The following TLE1 variants were observed in gnomAD, a reference collection of about 807,000 sequenced individuals.
The protein encoded by TLE1 is TLE family member 1, transcriptional corepressor, also known as transducin-like enhancer protein 1.
A neutral mutation model predicts 89.8 loss-of-function variants in TLE1; 21 were observed. That is an observed-to-expected ratio of 0.23 (90% CI 0.17 to 0.34). TLE1 has a LOEUF of 0.34. Among genes scored for constraint, TLE1 ranks in the 10% least tolerant of loss-of-function variants. The pLI is 1.00. For missense variants in TLE1, 795 were observed against 1,031.2 expected (o/e 0.77, Z 3.14); for synonymous variants, 447 against 407.6 (o/e 1.10, Z -1.16).
intron 4 of TLE1, among the ~76,000 whole-genome samples, chr9:81,659,037 T>C (rs1830462337): frequency 6.6e-6 from 1 of 152,020 alleles, no homozygotes; most frequent in South Asian, 2.1e-4. Context: ...GCCTCGCGAG[T>C]AGCTGGGATG....
chr9:81,613,911 T>C (rs906196001), intron 11 of TLE1, among the ~76,000 whole-genome samples: 17 of 146,156 alleles, frequency 1.2e-4, no homozygotes, highest in African/African-American at 2.3e-4. Flanking sequence ...CTTTTCTTTT[T>C]TTTTTTTTTT....
intron 8 of TLE1, among the ~76,000 whole-genome samples, chr9:81,625,911 T>TTAAAAAAAAAAAAAAAAAAAAA (rs1491491955): frequency 1.1e-5 from 1 of 87,846 alleles, no homozygotes; most frequent in African/African-American, 5.4e-5. Flanking sequence ...CAGAAACTAC[T>TTAAAAAAAAAAAAAAAAAAAAA]AAAAAAAAAA....
chr9:81,612,063 G>T, intron 12 of TLE1, 104 bp from the exon 13 acceptor site: 1 of 949,884 alleles, frequency 1.1e-6, no homozygotes, highest in Non-Finnish European at 1.4e-6. Context: ...TGGGGAGAGA[G>T]AAAGAGGTAA....
At chr9:81,638,152 G>A (rs1007520252) in intron 6 of TLE1, among the ~76,000 whole-genome samples, 2 of 152,088 alleles carry the variant, frequency 1.3e-5, no homozygotes, top group African/African-American at 4.8e-5. Context: ...AGGCCTAATG[G>A]CAGTGACGGG....
chr9:81,680,883 A>G (rs1309776849), intron 4 of TLE1, among the ~76,000 whole-genome samples: 5 of 80,786 alleles, frequency 6.2e-5, no homozygotes, highest in African/African-American at 2.6e-4. Context: ...ACTTAGGGGG[A>G]AAAAAAATCT....
chr9:81,606,504 A>G (rs1476322246), intron 14 of TLE1, among the ~76,000 whole-genome samples: 1 of 152,170 alleles, frequency 6.6e-6, no homozygotes, highest in East Asian at 1.9e-4. Context: ...CATCATTCTC[A>G]GCAAACTATC....
intron 14 of TLE1, among the ~76,000 whole-genome samples, chr9:81,599,469 G>A (rs117996056): frequency 0.024 from 3,616 of 152,164 alleles, 71 homozygotes; most frequent in South Asian, 0.036. Context: ...TGGGGGAACC[G>A]GGCTCCTTAT....
In TLE1 at chr9:81,689,520, C is replaced by G. The variant is rs1456603728; in HGVS notation, c.-1280G>C. 7.9e-5 allele frequency among the ~76,000 whole-genome samples: 12 copies of G among 152,118 alleles called. No individual in the cohort carries two copies. Among genetic ancestry groups the G allele is most frequent in the Non-Finnish European group, 1.3e-4 (9 of 68,008 alleles). On this transcript the variant is annotated 5_prime_UTR_variant, in exon 1 of 20. Transcript: ENST00000376499. Reference sequence around the variant, plus strand: ...CAGCCGCCGCTCCCACCGCCGCCGCCGCCCGCGCCTCTCGCGCCGCTTACA... The same window carrying G: ...CAGCCGCCGCTCCCACCGCCGCCGCGGCCCGCGCCTCTCGCGCCGCTTACA...
intron 4 of TLE1, among the ~76,000 whole-genome samples, chr9:81,664,788 C>T (rs1040120858): frequency 3.3e-5 from 5 of 152,080 alleles, no homozygotes; most frequent in East Asian, 3.9e-4. Flanking sequence ...CAAACTCCAG[C>T]GTACACGAGG....
chr9:81,679,783 G>A (rs1478341514), intron 4 of TLE1, among the ~76,000 whole-genome samples: 1 of 152,138 alleles, frequency 6.6e-6, no homozygotes, highest in Non-Finnish European at 1.5e-5. Context: ...GAGAGGGTAG[G>A]AAACGAAATC....
intron 8 of TLE1, among the ~76,000 whole-genome samples, chr9:81,628,241 C>T (rs1008195879): frequency 6.6e-6 from 1 of 152,108 alleles, no homozygotes; most frequent in South Asian, 2.1e-4. Context: ...GGCCTCCTAA[C>T]CCCCTCCCTG....
At chr9:81,619,477 G>A (rs183299343) in intron 9 of TLE1, among the ~76,000 whole-genome samples, 2 of 152,276 alleles carry the variant, frequency 1.3e-5, no homozygotes, top group Admixed American at 1.3e-4. Context: ...CTAACTCCAG[G>A]TGGCACTCAA....
At chr9:81,613,543 A>G (rs1823992281) in intron 11 of TLE1, 22 bp from the exon 12 acceptor site, 1 of 1,612,694 alleles carries the variant, frequency 6.2e-7, no homozygotes, top group Non-Finnish European at 8.5e-7. Context: ...AAACAAATTA[A>G]ATGAGTATTA....
chr9:81,661,953 G>A (rs1001659343), intron 4 of TLE1, among the ~76,000 whole-genome samples: 1 of 152,170 alleles, frequency 6.6e-6, no homozygotes, highest in Admixed American at 6.5e-5. Flanking sequence ...GCGCTGTCTT[G>A]GAAGGCAACT....
intron 6 of TLE1, among the ~76,000 whole-genome samples, chr9:81,635,672 C>T (rs1827272141): frequency 6.6e-6 from 1 of 152,132 alleles, no homozygotes; most frequent in South Asian, 2.1e-4. Flanking sequence ...TATTTATTAT[C>T]CCTTTGCGTG....
intron 6 of TLE1, among the ~76,000 whole-genome samples, chr9:81,634,682 G>A (rs904196683): frequency 2.6e-5 from 4 of 152,084 alleles, no homozygotes; most frequent in Non-Finnish European, 4.4e-5. Context: ...CGCCTCCAGG[G>A]ATGAGATCCA....
At chr9:81,643,438 G>A (rs1000415660) in intron 6 of TLE1, among the ~76,000 whole-genome samples, 1 of 152,016 alleles carries the variant, frequency 6.6e-6, no homozygotes, top group African/African-American at 2.4e-5. Context: ...GTTTCTCCAT[G>A]TTAGTCAGGC....
intron 4 of TLE1, among the ~76,000 whole-genome samples, chr9:81,684,563 A>C (rs554169965): frequency 6.6e-6 from 1 of 152,344 alleles, no homozygotes; most frequent in Non-Finnish European, 1.5e-5. Context: ...AAGTCTTTGA[A>C]TATAAGGAAG....
At position 81,687,941 on chromosome 9, in the gene TLE1, G is replaced by C. The variant is rs183900203; in HGVS notation, c.24+276C>G. Among the ~76,000 whole-genome samples, 72 of 152,252 alleles carry C rather than the reference G, an allele frequency of 4.7e-4. 2 individuals carry two copies. The East Asian group carries it at 0.012, about 25-fold the overall frequency. On this transcript the variant is annotated intron_variant, in intron 1 of 19. Transcript: ENST00000376499. ...CCTGCCCCCACTCGGGGAAGGTAGA[G>C]GGGATATGGCTGCAGGAGAGAAACC...
Sources: allele counts gnomAD v4.1 joint callset (sites outside exome capture counted in the v4.1 genomes callset), GRCh38; gene constraint gnomAD v4.1.1; transcripts MANE v1.5; gene names NCBI Gene and HGNC (gene_info 2026-07-23, HGNC 2026-07-21).